Variants in LRTM1 observed in about 807,000 individuals in gnomAD.
LRTM1 encodes the protein leucine rich repeat transmembrane protein 1.
A neutral mutation model predicts 32.4 loss-of-function variants in LRTM1; 38 were observed. That is an observed-to-expected ratio of 1.17 (90% CI 0.91 to 1.54). The LOEUF (loss-of-function observed/expected upper bound fraction) is 1.54, where lower values mean the gene tolerates loss of function less well. Among genes scored for constraint, LRTM1 ranks in the 40% most tolerant of loss-of-function variants. The pLI is 0.00. For synonymous variants in LRTM1, 186 were observed against 169.9 expected (o/e 1.09, Z -0.74); for missense variants, 466 against 415.4 (o/e 1.12, Z -1.06).
chr3:54,932,127 C>T (rs944308464), upstream of LRTM1, among the ~76,000 whole-genome samples: 7 of 151,798 alleles, frequency 4.6e-5, no homozygotes, highest in African/African-American at 1.2e-4. Flanking sequence ...TGCAGTGAGC[C>T]GAGATCACGC....
intron 1 of LRTM1, among the ~76,000 whole-genome samples, chr3:54,943,578 A>AT (rs1701532574): frequency 6.6e-6 from 1 of 151,628 alleles, no homozygotes; most frequent in Non-Finnish European, 1.5e-5. Flanking sequence ...TTTTTATGTT[A>AT]TTTTTCCCTG....
chr3:54,953,670 A>C (rs578215361), intron 1 of LRTM1, among the ~76,000 whole-genome samples: 1 of 152,304 alleles, frequency 6.6e-6, no homozygotes, highest in South Asian at 2.1e-4. Flanking sequence ...GCTGGGAAGG[A>C]GGTGAGGATT....
At chr3:54,947,661 T>C (rs1701648651) in intron 1 of LRTM1, among the ~76,000 whole-genome samples, 2 of 152,256 alleles carry the variant, frequency 1.3e-5, no homozygotes, top group Admixed American at 1.3e-4. Context: ...ATTTTTGCTC[T>C]GGCTATACCC....
intron 1 of LRTM1, among the ~76,000 whole-genome samples, chr3:54,954,400 C>A (rs1032244039): frequency 6.6e-6 from 1 of 152,192 alleles, no homozygotes; most frequent in Admixed American, 6.5e-5. Flanking sequence ...TTCTTCCCAG[C>A]AATAGGAGAG....
chr3:54,963,005 A>T (rs1198337238), intron 1 of LRTM1, among the ~76,000 whole-genome samples: 1 of 152,220 alleles, frequency 6.6e-6, no homozygotes, highest in African/African-American at 2.4e-5. Context: ...TTACACTTGA[A>T]TGCATGTCTA....
intron 1 of LRTM1, among the ~76,000 whole-genome samples, chr3:54,940,438 C>T (rs1701437000): frequency 6.6e-6 from 1 of 152,188 alleles, no homozygotes; most frequent in Non-Finnish European, 1.5e-5. Context: ...CTGTTCCTCA[C>T]TGATATTTTA....
At position 54,947,879 on chromosome 3, in the gene LRTM1, C is replaced by G. The variant is rs912158282; in HGVS notation, c.-222+19049G>C. ...CTCACTAGGGAGCTGCTTCAAACCTCACATCTGCCAACAAATTTGCCTGCA... is the reference window on the plus strand; with the variant it reads ...CTCACTAGGGAGCTGCTTCAAACCTGACATCTGCCAACAAATTTGCCTGCA... On this transcript the variant is annotated intron_variant, in intron 1 of 2. Coordinates refer to the LRTM1 transcript ENST00000493075. Among the ~76,000 whole-genome samples the G allele has an allele frequency of 5.3e-5, 8 of 152,164 alleles. No homozygotes were observed. In the East Asian group the frequency reaches 1.5e-3, roughly 29 times the overall value.
chr3:54,923,445 G>A lies in LRTM1; in HGVS notation c.604+1174C>T, dbSNP rs111871450. Among the ~76,000 whole-genome samples, 518 of 152,162 alleles carry A rather than the reference G, an allele frequency of 3.4e-3. 1 individual carries two copies. Among genetic ancestry groups the A allele is most frequent in the African/African-American group, 0.012 (501 of 41,498 alleles). On this transcript the variant is annotated intron_variant, in intron 2 of 2. Transcript: ENST00000273286. The stretch of plus-strand genomic sequence containing the variant: ...TGCTCAGCCATGTCACCTCCTTGGA[G>A]ACATCTTCCCATCCATCCTATCAAA...
At chr3:54,937,410 C>G (rs1406585422) in intron 1 of LRTM1, among the ~76,000 whole-genome samples, 2 of 152,172 alleles carry the variant, frequency 1.3e-5, no homozygotes, top group African/African-American at 4.8e-5. Flanking sequence ...TGTGCTTGCA[C>G]CAGTCCTGCA....
chr3:54,933,764 T>G (rs1701263869), intron 1 of LRTM1, among the ~76,000 whole-genome samples: 1 of 148,838 alleles, frequency 6.7e-6, no homozygotes, highest in East Asian at 2.0e-4. Flanking sequence ...CTATTACTTT[T>G]TTTTTTTTTT....
rs370857998 is a variant in LRTM1, at chr3:54,936,514, G to A, written c.-221-11299C>T. On this transcript the variant is annotated intron_variant, in intron 1 of 2. Coordinates refer to the LRTM1 transcript ENST00000493075. The stretch of plus-strand genomic sequence containing the variant: ...TGGGATGTTTGTTAGCAAAATAAAG[G>A]CCCTGCCTTGACTTTGCTGCAGCCT... Among the ~76,000 whole-genome samples, 11 of 152,136 alleles carry A rather than the reference G, an allele frequency of 7.2e-5. No individual in the cohort carries two copies. The East Asian group carries it at 9.6e-4, about 13-fold the overall frequency.
chr3:54,919,581 T>C (rs1485395091), intron 2 of LRTM1, among the ~76,000 whole-genome samples: 7 of 152,160 alleles, frequency 4.6e-5, no homozygotes, highest in African/African-American at 1.7e-4. Flanking sequence ...TATCCTCAGG[T>C]GTGTAGACTG....
intron 1 of LRTM1, among the ~76,000 whole-genome samples, chr3:54,946,041 A>G (rs1701606484): frequency 6.6e-6 from 1 of 152,178 alleles, no homozygotes; most frequent in Non-Finnish European, 1.5e-5. Flanking sequence ...TCATTATCAC[A>G]TTTCCTTGGT....
upstream of LRTM1, among the ~76,000 whole-genome samples, chr3:54,931,599 C>G (rs1186544657): frequency 6.6e-6 from 1 of 152,182 alleles, no homozygotes; most frequent in Admixed American, 6.5e-5. Context: ...GGTCTCCTGG[C>G]CCCAAGACCT....
At chr3:54,959,735 G>A (rs1013350838) in intron 1 of LRTM1, among the ~76,000 whole-genome samples, 2 of 152,142 alleles carry the variant, frequency 1.3e-5, no homozygotes, top group African/African-American at 4.8e-5. Flanking sequence ...GGTTGAAAGG[G>A]TGGGAATTGA....
rs60257399 is a variant in LRTM1, at chr3:54,918,321, C to CTTTTTTTTTTT, written c.*137_*138insAAAAAAAAAAA. On this transcript the variant is annotated 3_prime_UTR_variant, in exon 3 of 3. Coordinates refer to ENST00000273286, the MANE Select transcript of LRTM1 (RefSeq NM_020678.4). ...CCAGAAATATTTTTTACAGACACAT[C>CTTTTTTTTTTT]TTTTTTTTTTCTTTTTTTTTTTTTT... The CTTTTTTTTTTT allele has an allele frequency of 6.3e-5, 25 of 394,434 alleles. No homozygotes were observed. The highest frequency in any genetic ancestry group is 5.6e-4 in the African/African-American group (19 of 34,138). 24.4% of individuals were successfully genotyped at this position (394,434 alleles called of 1,614,324 possible).
Position 54,924,685 on chromosome 3 carries a change from T to C in LRTM1, c.538A>G (p.Asn180Asp), listed in dbSNP as rs375455022. Reference protein sequence around the residue: ...PSVRLLLLKDNLWKCNCHLLG... With the variant: ...PSVRLLLLKDDLWKCNCHLLG... ...AAGTGGCAATTGCATTTCCAGAGGTTGTCCTTGAGAAGTAAAAGCCTCACA... is the reference window on the plus strand; with the variant it reads ...AAGTGGCAATTGCATTTCCAGAGGTCGTCCTTGAGAAGTAAAAGCCTCACA... The change falls in exon 2 of 3, where the codon AAC becomes GAC. Residue 180 changes from asparagine (N) to aspartate (D), a missense_variant. Transcript: ENST00000273286. 3 of 1,614,136 alleles carry C rather than the reference T, an allele frequency of 1.9e-6. No homozygotes were observed. The highest frequency in any genetic ancestry group is 1.7e-6 in the Non-Finnish European group (2 of 1,180,012).
Position 54,918,628 on chromosome 3 carries a change from A to T in LRTM1, c.869T>A (p.Ile290Asn). 6.2e-7 allele frequency: 1 copy of T among 1,614,180 alleles called. No individual in the cohort carries two copies. The highest frequency in any genetic ancestry group is 8.5e-7 in the Non-Finnish European group (1 of 1,180,032). ...ANLRHAIATVIITGVVCGIVC... is the reference protein window; with the variant it reads ...ANLRHAIATVNITGVVCGIVC... ...AATCCCACACACAACGCCAGTGATG[A>T]TGACAGTGGCAATGGCATGACGCAG... Residue 290 changes from isoleucine (I) to asparagine (N), a missense_variant, in exon 3 of 3, where the codon ATC (isoleucine) becomes AAC (asparagine). Transcript: ENST00000273286.
At chr3:54,963,294 T>C (rs1230508462) in intron 1 of LRTM1, among the ~76,000 whole-genome samples, 2 of 152,088 alleles carry the variant, frequency 1.3e-5, no homozygotes, top group African/African-American at 4.8e-5. Flanking sequence ...TGGACGGGTT[T>C]GTGGAGAATT....
Sources: gnomAD v4.1 joint callset for allele counts (sites outside exome capture counted in the v4.1 genomes callset) on GRCh38, gnomAD v4.1.1 for gene constraint, MANE v1.5 for transcripts, NCBI Gene and HGNC (gene_info 2026-07-23, HGNC 2026-07-21) for gene names.